The following PRDM8 variants were observed in gnomAD, a reference collection of about 807,000 sequenced individuals.
The protein encoded by PRDM8 is PR domain zinc finger protein 8.
PRDM8 carries 13 observed loss-of-function variants against 46.5 expected under a neutral mutation model. That is an observed-to-expected ratio of 0.28 (90% CI 0.18 to 0.44). PRDM8 has a LOEUF of 0.44. Among genes scored for constraint, PRDM8 ranks in the 20% least tolerant of loss-of-function variants. PRDM8 has a pLI of 1.00. For missense variants in PRDM8, 998 were observed against 955.0 expected, an observed-to-expected ratio of 1.04 and a Z score of -0.59; for synonymous variants, 473 against 438.4, an observed-to-expected ratio of 1.08 and a Z score of -0.98.
Position 80,202,157 on chromosome 4 carries a change from C to T in PRDM8, c.695C>T (p.Pro232Leu). ...GGTCCCAAGTTTTGCAAAGCCGGCC[C>T]CCTCCACCACTACCCATCCCCCTCC... is the stretch of plus-strand genomic sequence containing the variant. Reference protein sequence around the residue: ...GPGPKFCKAGPLHHYPSPSPE... With the variant: ...GPGPKFCKAGLLHHYPSPSPE... Residue 232 changes from proline to leucine, a missense_variant, in exon 4 of 4, where the codon CCC becomes CTC. Physicochemically the swap from Pro to Leu is moderately conservative, Grantham distance 98 (BLOSUM62 -3). Coordinates refer to ENST00000415738, the MANE Select transcript of PRDM8 (RefSeq NM_001099403.2). The T allele has an allele frequency of 6.2e-7, 1 of 1,610,300 alleles. No individual in the cohort carries two copies. Among genetic ancestry groups the T allele is most frequent in the South Asian group, 1.1e-5 (1 of 90,994 alleles).
chr4:80,188,984 G>C (rs1410184785), intron 1 of PRDM8, among the ~76,000 whole-genome samples: 1 of 152,192 alleles, frequency 6.6e-6, no homozygotes, highest in Non-Finnish European at 1.5e-5. Context: ...CCGGGCATCA[G>C]TTACCTCGTC....
In PRDM8 at chr4:80,202,867, G is replaced by A. The variant is rs1738641895; in HGVS notation, c.1405G>A (p.Ala469Thr). The A allele has an allele frequency of 2.4e-6, 3 of 1,251,874 alleles. No individual in the cohort carries two copies. Among genetic ancestry groups the A allele is most frequent in the Admixed American group, 4.3e-5 (1 of 23,004 alleles). 77.5% of individuals were successfully genotyped at this position (1,251,874 alleles called of 1,614,324 possible). A position where few individuals can be genotyped will look rare whatever the true frequency, so the allele number is the denominator to read the frequency against. The change falls in exon 4 of 4, where the codon GCG (alanine) becomes ACG (threonine). Residue 469 changes from alanine to threonine, a missense_variant. By Grantham distance (58) the Ala-to-Thr change is moderately conservative (BLOSUM62 0). Transcript: ENST00000415738. ...AFTSVPQLGS[A>T]GSTSGGGGTG... ...CACTTCGGTGCCGCAGCTGGGCAGC[G>A]CGGGCAGCACCAGCGGTGGGGGCGG...
At position 80,203,528 on chromosome 4, in the gene PRDM8, A is replaced by G. The variant is rs1408584061; in HGVS notation, c.2066A>G (p.Asn689Ser). The change falls in exon 4 of 4, where the codon AAT becomes AGT. Residue 689 changes from asparagine to serine, a missense_variant. Coordinates refer to ENST00000415738, the MANE Select transcript of PRDM8 (RefSeq NM_001099403.2). ...CTCTCCAGGCACATGACCTCGCATA[A>G]TTGACTCGGAAAGGACCCCAGCTTT... ...HHLSRHMTSH[N>S] 2 of 1,607,420 alleles carry G rather than the reference A, an allele frequency of 1.2e-6. No homozygotes were observed. The highest frequency in any genetic ancestry group is 3.4e-5 in the Admixed American group (2 of 59,480).
Position 80,187,250 on chromosome 4 carries a change from G to GA in PRDM8, c.-983+1732_-983+1733insA, listed in dbSNP as rs1553903066. 1.1e-4 allele frequency among the ~76,000 whole-genome samples: 16 copies of GA among 140,220 alleles called. 2 individuals carry two copies. Among genetic ancestry groups the GA allele is most frequent in the African/African-American group, 4.2e-4 (16 of 37,718 alleles). The allele number at this position is 140,220 out of a possible 152,430, so 92.0% of individuals were successfully genotyped here. A position where few individuals can be genotyped will look rare whatever the true frequency, so the allele number is the denominator to read the frequency against. On this transcript the variant is annotated intron_variant, in intron 1 of 9. Coordinates refer to the PRDM8 transcript ENST00000339711. ...GTATCAGCATTCTCTGCCCTGGGGC[G>GA]GGGGGAAGCAGAAGAATATCATCTT...
chr4:80,199,705 ATATATG>A (rs1450674316), intron 1 of PRDM8, among the ~76,000 whole-genome samples: 4 of 70,056 alleles, frequency 5.7e-5, no homozygotes, highest in African/African-American at 3.8e-4. Context: ...GTATATATAT[ATATATG>A]TGTGTGTGTG....
Position 80,202,195 on chromosome 4 carries a change from A to G in PRDM8, c.733A>G (p.Asn245Asp). The stretch of plus-strand genomic sequence containing the variant: ...CCCATCCCCCTCCCCGGAAAGCAGC[A>G]ACCCATCCGCTGCCGCCGGCGGCAG... ...HYPSPSPESS[N>D]PSAAAGGSSA... The change falls in exon 4 of 4, where the codon AAC becomes GAC. Residue 245 changes from asparagine to aspartate, a missense_variant. Asn to Asp is a conservative substitution (Grantham distance 23). Coordinates refer to ENST00000415738, the MANE Select transcript of PRDM8 (RefSeq NM_001099403.2). The G allele has an allele frequency of 6.2e-7, 1 of 1,611,704 alleles. No individual in the cohort carries two copies. Among genetic ancestry groups the G allele is most frequent in the Non-Finnish European group, 8.5e-7 (1 of 1,179,658 alleles).
In PRDM8 at chr4:80,203,673, C is replaced by G. The variant is rs957581936; in HGVS notation, c.*141C>G. 4 of 1,393,866 alleles carry G rather than the reference C, an allele frequency of 2.9e-6. No homozygotes were observed. The highest frequency in any genetic ancestry group is 1.5e-5 in the African/African-American group (1 of 64,696). The allele number at this position is 1,393,866 out of a possible 1,614,324, so 86.3% of individuals were successfully genotyped here. A position where few individuals can be genotyped will look rare whatever the true frequency, so the allele number is the denominator to read the frequency against. Reference sequence around the variant, plus strand: ...CATACATTCACCGCCCCCCCGCCCCCCCAACGCGCACACACACGTCCTCTC... The same window carrying G: ...CATACATTCACCGCCCCCCCGCCCCGCCAACGCGCACACACACGTCCTCTC... On this transcript the variant is annotated 3_prime_UTR_variant, in exon 4 of 4. Coordinates refer to ENST00000415738, the MANE Select transcript of PRDM8 (RefSeq NM_001099403.2).
At position 80,201,311 on chromosome 4, in the gene PRDM8, G is replaced by A; in HGVS notation, c.241G>A (p.Gly81Ser). 1 of 1,614,188 alleles carries A rather than the reference G, an allele frequency of 6.2e-7. No homozygotes were observed. Among genetic ancestry groups the A allele is most frequent in the Non-Finnish European group, 8.5e-7 (1 of 1,180,034 alleles). Residue 81 changes from glycine (G) to serine (S), a missense_variant, in exon 3 of 4, where the codon GGT becomes AGT. Coordinates refer to ENST00000415738, the MANE Select transcript of PRDM8 (RefSeq NM_001099403.2). ...IFRVDTSAAN[G>S]SSEGLMWLRL... ...GCAGGTAGACACCTCAGCAGCAAATGGTTCCTCAGAAGGTCTCATGTGGCT... is the reference window on the plus strand; with the variant it reads ...GCAGGTAGACACCTCAGCAGCAAATAGTTCCTCAGAAGGTCTCATGTGGCT...
chr4:80,202,536 G>A lies in PRDM8; in HGVS notation c.1074G>A (p.Ser358=). The A allele has an allele frequency of 1.3e-6, 2 of 1,534,760 alleles. No homozygotes were observed. Among genetic ancestry groups the A allele is most frequent in the Non-Finnish European group, 1.7e-6 (2 of 1,145,768 alleles). Residue 358 remains serine, a synonymous_variant, in exon 4 of 4, where the codon TCG becomes TCA. Transcript: ENST00000415738. The part of the protein sequence containing the change: ...LVCTPQQYRA[S]GSYFGLEENG... ...GCACACCGCAGCAGTACCGAGCCTCGGGCAGCTACTTCGGCCTGGAAGAGA... is the reference window on the plus strand; with the variant it reads ...GCACACCGCAGCAGTACCGAGCCTCAGGCAGCTACTTCGGCCTGGAAGAGA...
chr4:80,186,047 T>A (rs561671588), intron 1 of PRDM8, among the ~76,000 whole-genome samples: 12 of 152,082 alleles, frequency 7.9e-5, no homozygotes, highest in Admixed American at 1.3e-4. Context: ...ACTGGCTGAA[T>A]GGAGAGATCC....
rs945713002 is a variant in PRDM8, at chr4:80,192,078, T to C, written c.-885+509T>C. ...AATGAAATGTCTCTCTCTTCAGGCC[T>C]CAGGAAAGTGTACCATGGGTTTATT... On this transcript the variant is annotated intron_variant, in intron 2 of 9. Transcript: ENST00000339711. Among the ~76,000 whole-genome samples, 3 of 152,214 alleles carry C rather than the reference T, an allele frequency of 2.0e-5. No individual in the cohort carries two copies. In the East Asian group the frequency reaches 5.8e-4, roughly 29 times the overall value.
At position 80,202,353 on chromosome 4, in the gene PRDM8, G is replaced by A. The variant is rs1300373483; in HGVS notation, c.891G>A (p.Glu297=). ...SGSGGGGGHQ[E]AELSPDGIAT... ...GCGGCGGCGGCGGCGGCCACCAGGA[G>A]GCGGAGCTGAGTCCCGACGGCATCG... Residue 297 remains glutamate (E), a synonymous_variant, in exon 4 of 4, where the codon GAG becomes GAA. Coordinates refer to ENST00000415738, the MANE Select transcript of PRDM8 (RefSeq NM_001099403.2). 1.2e-6 allele frequency: 2 copies of A among 1,601,336 alleles called. No individual in the cohort carries two copies. Among genetic ancestry groups the A allele is most frequent in the South Asian group, 2.2e-5 (2 of 90,308 alleles).
chr4:80,193,408 A>G (rs1560468311), upstream of PRDM8, among the ~76,000 whole-genome samples: 1 of 152,158 alleles, frequency 6.6e-6, no homozygotes, highest in Non-Finnish European at 1.5e-5. Flanking sequence ...ACCAAAATGT[A>G]AAACAAACAA....
At chr4:80,189,220 C>T (rs953367624) in intron 1 of PRDM8, among the ~76,000 whole-genome samples, 6 of 152,220 alleles carry the variant, frequency 3.9e-5, no homozygotes, top group Non-Finnish European at 7.3e-5. Context: ...TCACATGCTT[C>T]TCATCCTACG....
upstream of PRDM8, among the ~76,000 whole-genome samples, chr4:80,195,366 ATTAAC>A (rs1406601523): frequency 6.6e-6 from 1 of 152,124 alleles, no homozygotes; most frequent in African/African-American, 2.4e-5. Context: ...TCTACTCTGA[ATTAAC>A]TTAAGTTTCT....
At chr4:80,190,047 T>C (rs1336389562) in intron 1 of PRDM8, 1 of 152,254 alleles carries the variant, frequency 6.6e-6, no homozygotes, top group Admixed American at 6.5e-5. Context: ...TGCCAGCTTT[T>C]GTTCAACCGG....
intron 1 of PRDM8, among the ~76,000 whole-genome samples, chr4:80,190,976 C>T (rs907669500): frequency 6.6e-6 from 1 of 152,224 alleles, no homozygotes; most frequent in Non-Finnish European, 1.5e-5. Flanking sequence ...GTTGATCACA[C>T]ACACAAGATA....
Position 80,197,594 on chromosome 4 carries a change from C to T in PRDM8, c.-172C>T. The stretch of plus-strand genomic sequence containing the variant: ...CTCCACCCCCCCAATCTTTTTCTCC[C>T]CATCTCTCCATCTCTCTCTTATCTC... On this transcript the variant is annotated 5_prime_UTR_variant, in exon 1 of 4. Transcript: ENST00000415738. 1 of 973,166 alleles carries T rather than the reference C, an allele frequency of 1.0e-6. No homozygotes were observed. Among genetic ancestry groups the T allele is most frequent in the Non-Finnish European group, 1.2e-6 (1 of 818,756 alleles). The allele number at this position is 973,166 out of a possible 1,614,324, so 60.3% of individuals were successfully genotyped here.
chr4:80,196,357 G>A (rs1737960033), upstream of PRDM8: 3 of 985,464 alleles, frequency 3.0e-6, no homozygotes, highest in Non-Finnish European at 3.6e-6. Context: ...TTTAGGAGTA[G>A]AGAATTGAAC....
Sources: allele counts gnomAD v4.1 joint callset (sites outside exome capture counted in the v4.1 genomes callset), GRCh38; gene constraint gnomAD v4.1.1; transcripts MANE v1.5; gene names NCBI Gene and HGNC (gene_info 2026-07-23, HGNC 2026-07-21).